EFCAB5: variants seen among roughly 807,000 people sequenced by gnomAD.
EFCAB5 encodes the protein EF-hand calcium-binding domain-containing protein 5.
A neutral mutation model predicts 167.9 loss-of-function variants in EFCAB5; 131 were observed. The observed-to-expected ratio is 0.78, with a 90% confidence interval of 0.68 to 0.90. EFCAB5 has a LOEUF of 0.90. Among genes scored for constraint, EFCAB5 ranks in the 40% least tolerant of loss-of-function variants. The pLI is 0.00. For missense variants in EFCAB5, 1,663 were observed against 1,745.2 expected (o/e 0.95, Z 0.84); for synonymous variants, 574 against 602.8 (o/e 0.95, Z 0.70).
intron 8 of EFCAB5, among the ~76,000 whole-genome samples, chr17:30,044,060 C>A (rs1211545317): frequency 6.6e-6 from 1 of 151,904 alleles, no homozygotes; most frequent in African/African-American, 2.4e-5. Flanking sequence ...GCATTCGGAC[C>A]ATATAAAGAC....
intron 22 of EFCAB5, among the ~76,000 whole-genome samples, chr17:30,096,022 G>C (rs1337540430): frequency 6.6e-6 from 1 of 152,228 alleles, no homozygotes; most frequent in African/African-American, 2.4e-5. Flanking sequence ...CTTGAGAACA[G>C]ATTTCCTTTG....
intron 22 of EFCAB5, among the ~76,000 whole-genome samples, chr17:30,102,678 G>T (rs1457565930): frequency 6.6e-6 from 1 of 151,560 alleles, no homozygotes; most frequent in Non-Finnish European, 1.5e-5. Flanking sequence ...ATTTTAACTT[G>T]GTGGTCTCCA....
intron 14 of EFCAB5, 78 bp from the exon 15 acceptor site, chr17:30,078,137 G>A (rs1029866831): frequency 1.2e-5 from 18 of 1,461,728 alleles, no homozygotes; most frequent in Admixed American, 1.2e-4. Context: ...TCAGTTCATC[G>A]TAAGAGGAGA....
At chr17:29,993,130 T>C (rs772653283) in intron 4 of EFCAB5, 35 bp from the exon 5 acceptor site, 2 of 1,552,944 alleles carry the variant, frequency 1.3e-6, no homozygotes, top group Non-Finnish European at 1.7e-6. Flanking sequence ...CCAAGGGTAT[T>C]AACTCAACAT....
chr17:30,074,900 C>T (rs2070838177), intron 14 of EFCAB5, among the ~76,000 whole-genome samples: 1 of 152,064 alleles, frequency 6.6e-6, no homozygotes, highest in Non-Finnish European at 1.5e-5. Flanking sequence ...ACTCATGAGT[C>T]TCCTCTCTCA....
chr17:29,934,185 T>C (rs1213953004), intron 1 of EFCAB5, among the ~76,000 whole-genome samples: 1 of 152,204 alleles, frequency 6.6e-6, no homozygotes, highest in Non-Finnish European at 1.5e-5. Context: ...AACAGTGATG[T>C]CTTCAAATTC....
chr17:30,056,965 G>A (rs771632517), intron 12 of EFCAB5, among the ~76,000 whole-genome samples: 4 of 151,956 alleles, frequency 2.6e-5, no homozygotes, highest in Non-Finnish European at 5.9e-5. Flanking sequence ...TCATATAGAA[G>A]GTATAAGGGC....
intron 9 of EFCAB5, among the ~76,000 whole-genome samples, chr17:30,051,647 C>G (rs986516244): frequency 6.6e-6 from 1 of 152,156 alleles, no homozygotes; most frequent in African/African-American, 2.4e-5. Context: ...GCCTCAACCT[C>G]CCAGGTGGGA....
rs1049235053 is a variant in EFCAB5 at position 29,990,734 on chromosome 17, G to A, written c.768-2431G>A. On this transcript the variant is annotated intron_variant, in intron 4 of 22. Coordinates refer to ENST00000394835, the MANE Select transcript of EFCAB5 (RefSeq NM_198529.4). ...GCTATAATATTTCCCTGTTGATCTGGTGGGTGTATCCTAACAGAGAACTGC... is the reference window on the plus strand; with the variant it reads ...GCTATAATATTTCCCTGTTGATCTGATGGGTGTATCCTAACAGAGAACTGC... Among the ~76,000 whole-genome samples the A allele has an allele frequency of 1.3e-5, 2 of 152,178 alleles. 1 individual carries two copies. The highest frequency in any genetic ancestry group is 4.1e-4 in the South Asian group (2 of 4,828).
intron 18 of EFCAB5, among the ~76,000 whole-genome samples, chr17:30,086,265 C>T (rs1174867774): frequency 1.3e-5 from 2 of 152,062 alleles, no homozygotes; most frequent in African/African-American, 2.4e-5. Context: ...TTCTTATAAA[C>T]TAGTTTCTAC....
Position 30,107,944 on chromosome 17 carries a change from G to A in EFCAB5, c.4432G>A (p.Gly1478Ser), listed in dbSNP as rs1019991250. ...GAAGATAACCAAACAACTAAATAGTGGTATTACACCTCCGTTGCCCTCCAA... is the reference window on the plus strand; with the variant it reads ...GAAGATAACCAAACAACTAAATAGTAGTATTACACCTCCGTTGCCCTCCAA... ...LMKITKQLNS[G>S]ITPPLPSKTD... is the part of the protein sequence containing the mutation. Residue 1478 changes from glycine to serine, a missense_variant, in exon 23 of 23, where the codon GGT becomes AGT. By Grantham distance (56) the Gly-to-Ser change is moderately conservative. Coordinates refer to ENST00000394835, the MANE Select transcript of EFCAB5 (RefSeq NM_198529.4). The A allele has an allele frequency of 1.9e-6, 3 of 1,611,290 alleles. No individual in the cohort carries two copies. The highest frequency in any genetic ancestry group is 2.2e-5 in the East Asian group (1 of 44,660).
At chr17:29,996,743 A>G (rs1449024705) in intron 6 of EFCAB5, among the ~76,000 whole-genome samples, 1 of 152,060 alleles carries the variant, frequency 6.6e-6, no homozygotes, top group Non-Finnish European at 1.5e-5. Context: ...GGCTCACGCT[A>G]ATATTTACCA....
chr17:30,064,417 C>T (rs975912274), intron 14 of EFCAB5, among the ~76,000 whole-genome samples: 1 of 151,840 alleles, frequency 6.6e-6, no homozygotes, highest in Non-Finnish European at 1.5e-5. Flanking sequence ...ATTAATCAAG[C>T]AGAAAAACTA....
intron 22 of EFCAB5, among the ~76,000 whole-genome samples, chr17:30,093,322 C>G (rs1383681508): frequency 6.6e-6 from 1 of 152,152 alleles, no homozygotes; most frequent in African/African-American, 2.4e-5. Flanking sequence ...GCGAGGCTCT[C>G]AGGTTGGAGA....
At chr17:30,073,367 A>G (rs1466726149) in intron 14 of EFCAB5, among the ~76,000 whole-genome samples, 1 of 152,170 alleles carries the variant, frequency 6.6e-6, no homozygotes, top group Non-Finnish European at 1.5e-5. Flanking sequence ...CCAGCATTTC[A>G]GTATGAAAAC....
chr17:30,088,597 G>C (rs980046120), intron 19 of EFCAB5, among the ~76,000 whole-genome samples: 1 of 152,110 alleles, frequency 6.6e-6, no homozygotes, highest in Non-Finnish European at 1.5e-5. Context: ...ATAAGTACTC[G>C]GTTCTAAATT....
At chr17:30,027,530 A>G (rs1334965971) in intron 7 of EFCAB5, among the ~76,000 whole-genome samples, 1 of 151,972 alleles carries the variant, frequency 6.6e-6, no homozygotes, top group African/African-American at 2.4e-5. Context: ...AGATATAGAC[A>G]GTTTGTTATG....
intron 4 of EFCAB5, among the ~76,000 whole-genome samples, chr17:29,974,272 C>G: frequency 6.6e-6 from 1 of 151,808 alleles, no homozygotes; most frequent in South Asian, 2.1e-4. Context: ...ATATCCTTGC[C>G]AGGTGCAGTG....
rs1335696652 is a variant in EFCAB5 at position 29,973,791 on chromosome 17, C to T, written c.767+4424C>T. Among the ~76,000 whole-genome samples the T allele has an allele frequency of 2.7e-5, 4 of 149,202 alleles. No individual in the cohort carries two copies. The East Asian group carries it at 8.3e-4, about 31-fold the overall frequency. ...GCGCCTGGCCTGTATTTCCTTTTATCTTACATAGAAAATCTTGGTTCCTAA... is the reference window on the plus strand; with the variant it reads ...GCGCCTGGCCTGTATTTCCTTTTATTTTACATAGAAAATCTTGGTTCCTAA... On this transcript the variant is annotated intron_variant, in intron 4 of 22. Transcript: ENST00000394835.
Sources: gnomAD v4.1 joint callset for allele counts (sites outside exome capture counted in the v4.1 genomes callset) on GRCh38, gnomAD v4.1.1 for gene constraint, MANE v1.5 for transcripts, NCBI Gene and HGNC (gene_info 2026-07-23, HGNC 2026-07-21) for gene names.